KLRG1: variants seen among roughly 807,000 people sequenced by gnomAD.
KLRG1 encodes the protein killer cell lectin like receptor G1.
Under a neutral mutation model 21.8 loss-of-function variants are expected in KLRG1, and 16 were observed. That is an observed-to-expected ratio of 0.73 (90% CI 0.50 to 1.11). The LOEUF (loss-of-function observed/expected upper bound fraction) is 1.11. KLRG1 is among the 50% of genes most tolerant of loss of function. The pLI, the probability that KLRG1 is intolerant of heterozygous loss-of-function variation, is 0.00. For missense variants in KLRG1, 173 were observed against 218.3 expected, an observed-to-expected ratio of 0.79 and a Z score of 1.31; for synonymous variants, 69 against 75.9, an observed-to-expected ratio of 0.91 and a Z score of 0.47.
chr12:8,995,685 TC>T (rs1322563295), intron 3 of KLRG1, among the ~76,000 whole-genome samples: 2 of 126,994 alleles, frequency 1.6e-5, no homozygotes, highest in South Asian at 2.8e-4. Flanking sequence ...GGCAGCAGAT[TC>T]TTTTTTTTTT....
At chr12:9,149,503 G>A in the KLRG1 span, 7 of 1,477,456 alleles carry the variant, frequency 4.7e-6, no homozygotes, top group African/African-American at 4.2e-5. Flanking sequence ...AAATTGCAGG[G>A]GCCCTTGGAG....
the KLRG1 span, chr12:9,069,927 C>T: frequency 2.3e-6 from 2 of 869,462 alleles, no homozygotes; most frequent in Non-Finnish European, 1.9e-6. Flanking sequence ...TCTTCAAATG[C>T]TTTTTGTAAG....
chr12:9,112,889 C>T, the KLRG1 span, among the ~76,000 whole-genome samples: 51 of 152,216 alleles, frequency 3.4e-4, no homozygotes, highest in Admixed American at 1.0e-3. Flanking sequence ...AAAAAAACCC[C>T]GTATTTTACT....
At chr12:8,950,279 T>A (rs1420479126) in intron 1 of KLRG1, 1 of 152,244 alleles carries the variant, frequency 6.6e-6, no homozygotes, top group Non-Finnish European at 1.5e-5. Flanking sequence ...CTGTTATCTC[T>A]GTCGTTCCTT....
At position 9,009,948 on chromosome 12, in the gene KLRG1, G is replaced by A. The variant is rs746605831; in HGVS notation, c.*411G>A. 21 of 1,523,828 alleles carry A rather than the reference G, an allele frequency of 1.4e-5. No homozygotes were observed. The highest frequency in any genetic ancestry group is 1.8e-5 in the Non-Finnish European group (20 of 1,136,820). 94.4% of individuals were successfully genotyped at this position (1,523,828 alleles called of 1,614,324 possible). A position where few individuals can be genotyped will look rare whatever the true frequency, so the allele number is the denominator to read the frequency against. ...TGTACTAGAGAAGTACATTATTGCT[G>A]TACTCCTCTGTACATTACTGATCCC... is the stretch of plus-strand genomic sequence containing the variant. On this transcript the variant is annotated 3_prime_UTR_variant, in exon 5 of 5. Coordinates refer to ENST00000356986, the MANE Select transcript of KLRG1 (RefSeq NM_005810.4).
chr12:9,215,062 T>G, the KLRG1 span, among the ~76,000 whole-genome samples: 1 of 152,058 alleles, frequency 6.6e-6, no homozygotes, highest in South Asian at 2.1e-4. Flanking sequence ...CCTATTCATT[T>G]TGTTAGTATT....
the KLRG1 span, chr12:9,077,847 A>G: frequency 6.2e-7 from 1 of 1,614,028 alleles, no homozygotes; most frequent in Non-Finnish European, 8.5e-7. Flanking sequence ...TTCAGAACAA[A>G]GGCTGTGAGC....
chr12:8,983,395 C>CTTTTTTTT (rs764267755), intron 1 of KLRG1, among the ~76,000 whole-genome samples: 12 of 89,514 alleles, frequency 1.3e-4, no homozygotes, highest in African/African-American at 2.3e-4. Context: ...ACCATTTTAC[C>CTTTTTTTT]TTTTTTTTTT....
At chr12:9,166,942 A>G in the KLRG1 span, 1 of 152,364 alleles carries the variant, frequency 6.6e-6, no homozygotes, top group Non-Finnish European at 1.5e-5. Flanking sequence ...CATGTATCCC[A>G]TCTGATATTT....
intron 1 of KLRG1, among the ~76,000 whole-genome samples, chr12:8,978,149 G>T (rs1234463248): frequency 6.6e-6 from 1 of 152,070 alleles, no homozygotes; most frequent in Admixed American, 6.6e-5. Context: ...ATGATTCTGT[G>T]TTTGTCTATA....
At chr12:9,003,360 G>C (rs1266265127) in intron 3 of KLRG1, among the ~76,000 whole-genome samples, 1 of 150,816 alleles carries the variant, frequency 6.6e-6, no homozygotes, top group Non-Finnish European at 1.5e-5. Flanking sequence ...CAAATATTTA[G>C]CTTACAATTT....
At chr12:9,106,201 A>G in the KLRG1 span, 15 of 1,270,410 alleles carry the variant, frequency 1.2e-5, no homozygotes, top group Admixed American at 2.4e-4. Flanking sequence ...AGGTAACAGT[A>G]CATGGGTTGA....
chr12:9,200,994 A>C, the KLRG1 span: 1 of 1,614,150 alleles, frequency 6.2e-7, no homozygotes, highest in Non-Finnish European at 8.5e-7. Context: ...AGGGGAAAGG[A>C]CAACTGATTG....
downstream of KLRG1, among the ~76,000 whole-genome samples, chr12:9,014,889 T>C (rs983296673): frequency 1.3e-5 from 2 of 152,208 alleles, no homozygotes; most frequent in Non-Finnish European, 2.9e-5. Context: ...GAGTTTTTAT[T>C]TGTTTTCTCT....
At chr12:9,194,785 A>G in the KLRG1 span, among the ~76,000 whole-genome samples, 7 of 152,116 alleles carry the variant, frequency 4.6e-5, no homozygotes, top group East Asian at 9.6e-4. Flanking sequence ...GATTTTTAAT[A>G]ACTACAACTT....
At chr12:9,169,030 A>T in the KLRG1 span, 1 of 1,303,206 alleles carries the variant, frequency 7.7e-7, no homozygotes, top group African/African-American at 1.5e-5. Flanking sequence ...TATATAAAAC[A>T]TATTATCCTT....
chr12:9,113,374 A>G, the KLRG1 span: 3 of 1,613,564 alleles, frequency 1.9e-6, no homozygotes, highest in Non-Finnish European at 2.5e-6. Context: ...AAGGCGACAC[A>G]GTGGAGTACG....
chr12:9,169,752 G>T, the KLRG1 span: 2 of 589,398 alleles, frequency 3.4e-6, no homozygotes, highest in Non-Finnish European at 5.2e-6. Flanking sequence ...ATTTAACAGT[G>T]TTGTTTTGTT....
chr12:8,980,131 C>T (rs1946730653), intron 1 of KLRG1, among the ~76,000 whole-genome samples: 1 of 152,056 alleles, frequency 6.6e-6, no homozygotes, highest in African/African-American at 2.4e-5. Flanking sequence ...AAATTCCTTA[C>T]CTCAGGTGAT....
Sources: gnomAD v4.1 joint callset for allele counts (sites outside exome capture counted in the v4.1 genomes callset) on GRCh38, gnomAD v4.1.1 for gene constraint, MANE v1.5 for transcripts, NCBI Gene and HGNC (gene_info 2026-07-23, HGNC 2026-07-21) for gene names.